ME3: variants seen among roughly 807,000 people sequenced by gnomAD.
The protein encoded by ME3 is NADP-dependent malic enzyme, mitochondrial.
Under a neutral mutation model 68.9 loss-of-function variants are expected in ME3, and 48 were observed. The observed-to-expected ratio is 0.70, with a 90% CI of 0.55 to 0.89. The LOEUF (loss-of-function observed/expected upper bound fraction) is 0.89, where lower values mean the gene tolerates loss of function less well. ME3 is among the 40% of genes least tolerant of loss of function. The probability of loss-of-function intolerance (pLI) is 0.00; values close to 1 mark genes in which losing one functional copy is unlikely to be tolerated. For missense variants in ME3, 675 were observed against 797.4 expected (o/e 0.85, Z 1.85); for synonymous variants, 320 against 318.8 (o/e 1.00, Z -0.04).
chr11:86,582,111 G>A (rs1958471282), intron 2 of ME3, among the ~76,000 whole-genome samples: 1 of 152,222 alleles, frequency 6.6e-6, no homozygotes, highest in African/African-American at 2.4e-5. Context: ...CTCTTCATAA[G>A]CTGTGCATCA....
At chr11:86,515,711 C>T (rs373916169) in intron 4 of ME3, among the ~76,000 whole-genome samples, 20 of 152,258 alleles carry the variant, frequency 1.3e-4, no homozygotes, top group African/African-American at 4.6e-4. Context: ...CAGCTCTTTA[C>T]GGATGATTGG....
At chr11:86,567,280 G>GGAAGGAAGGA (rs1565150241) in intron 2 of ME3, among the ~76,000 whole-genome samples, 1 of 103,044 alleles carries the variant, frequency 9.7e-6, no homozygotes, top group Admixed American at 9.3e-5. Flanking sequence ...GGAAGGAAGG[G>GGAAGGAAGGA]AGGAAAAGAG....
At chr11:86,558,475 G>A (rs1957040395) in intron 3 of ME3, among the ~76,000 whole-genome samples, 1 of 152,130 alleles carries the variant, frequency 6.6e-6, no homozygotes, top group Non-Finnish European at 1.5e-5. Flanking sequence ...GGAGGTATGA[G>A]CAGAGGCTTC....
At chr11:86,611,091 G>A (rs1390834599) in intron 2 of ME3, among the ~76,000 whole-genome samples, 1 of 152,118 alleles carries the variant, frequency 6.6e-6, no homozygotes, top group African/African-American at 2.4e-5. Flanking sequence ...CTTGCCATTT[G>A]CCAAAACATG....
intron 2 of ME3, among the ~76,000 whole-genome samples, chr11:86,666,277 A>G (rs972349890): frequency 1.3e-5 from 2 of 152,154 alleles, no homozygotes; most frequent in Admixed American, 6.5e-5. Context: ...CCCCTTCCCA[A>G]TTGGCTTCTG....
At chr11:86,488,109 G>T (rs1482277688) in intron 6 of ME3, among the ~76,000 whole-genome samples, 6 of 152,180 alleles carry the variant, frequency 3.9e-5, no homozygotes, top group Admixed American at 1.3e-4. Context: ...GACCTTGGGA[G>T]GCCAAGGCTG....
intron 4 of ME3, among the ~76,000 whole-genome samples, chr11:86,513,807 C>T (rs1565883682): frequency 6.6e-6 from 1 of 152,138 alleles, no homozygotes; most frequent in Non-Finnish European, 1.5e-5. Context: ...ATAGTACCCC[C>T]AGGGAAGAAT....
intron 2 of ME3, among the ~76,000 whole-genome samples, chr11:86,572,908 T>C (rs1957883978): frequency 1.3e-5 from 2 of 152,214 alleles, no homozygotes; most frequent in African/African-American, 4.8e-5. Context: ...AGTGTAAAAG[T>C]GTTCCTGTTT....
chr11:86,445,252 G>A (rs560069031), intron 13 of ME3, among the ~76,000 whole-genome samples: 2 of 152,342 alleles, frequency 1.3e-5, no homozygotes, highest in South Asian at 4.1e-4. Context: ...AAAGTCATAA[G>A]TAGTGTGCGT....
chr11:86,669,088 C>T (rs1177449881), intron 2 of ME3, among the ~76,000 whole-genome samples: 1 of 152,244 alleles, frequency 6.6e-6, no homozygotes, highest in Non-Finnish European at 1.5e-5. Flanking sequence ...TCCATGGAGA[C>T]TCTCTGAGCA....
intron 2 of ME3, among the ~76,000 whole-genome samples, chr11:86,605,098 C>T (rs1339723197): frequency 2.6e-5 from 4 of 152,240 alleles, no homozygotes; most frequent in African/African-American, 7.2e-5. Flanking sequence ...GGAATCATAA[C>T]GTATGTGAAT....
Position 86,489,182 on chromosome 11 carries a change from G to A in ME3, c.706-1742C>T, listed in dbSNP as rs1001831896. On this transcript the variant is annotated intron_variant, in intron 6 of 14. Coordinates refer to ENST00000543262, the Ensembl canonical transcript of ME3. ...CTTCATCTCCATCTGAACTGCTGCT[G>A]CAGGACACAAAGATAAGGACCAGTG... The A allele has an allele frequency of 3.3e-5, 5 of 152,138 alleles. No individual in the cohort carries two copies. In the East Asian group the frequency reaches 9.6e-4, roughly 29 times the overall value. The allele number at this position is 152,138 out of a possible 1,614,324, so 9.4% of individuals were successfully genotyped here. A position where few individuals can be genotyped will look rare whatever the true frequency, so the allele number is the denominator to read the frequency against.
At chr11:86,638,268 G>A (rs1240429294) in intron 2 of ME3, among the ~76,000 whole-genome samples, 1 of 152,188 alleles carries the variant, frequency 6.6e-6, no homozygotes. Context: ...TAAGTACAGG[G>A]AGTGCAGCAT....
chr11:86,588,927 C>T (rs1958894300), intron 2 of ME3, among the ~76,000 whole-genome samples: 1 of 152,166 alleles, frequency 6.6e-6, no homozygotes, highest in Non-Finnish European at 1.5e-5. Context: ...GCTGTGTGTC[C>T]CCAATGCTTG....
intron 2 of ME3, among the ~76,000 whole-genome samples, chr11:86,634,543 A>G (rs1238820142): frequency 6.6e-6 from 1 of 152,188 alleles, no homozygotes; most frequent in African/African-American, 2.4e-5. Context: ...ATAAATTATC[A>G]TGCTGCCAAA....
At chr11:86,552,042 G>A (rs1956715271) in intron 4 of ME3, among the ~76,000 whole-genome samples, 1 of 152,212 alleles carries the variant, frequency 6.6e-6, no homozygotes, top group African/African-American at 2.4e-5. Flanking sequence ...CAGGTTTACA[G>A]TGTGTATTCT....
rs899825920 is a variant in ME3 at position 86,646,709 on chromosome 11, A to G, written c.183+25053T>C. Among the ~76,000 whole-genome samples, 8 of 152,324 alleles carry G rather than the reference A, an allele frequency of 5.3e-5. No homozygotes were observed. The South Asian group carries it at 6.2e-4, about 12-fold the overall frequency. Reference sequence around the variant, plus strand: ...TTCAGGAAATGCAGAGAACAAAACTAAGATAATCCATGAGAAGAGTAACCC... The same window carrying G: ...TTCAGGAAATGCAGAGAACAAAACTGAGATAATCCATGAGAAGAGTAACCC... On this transcript the variant is annotated intron_variant, in intron 2 of 14. Coordinates refer to ENST00000543262, the Ensembl canonical transcript of ME3.
chr11:86,612,736 C>T (rs1004980758), intron 2 of ME3, among the ~76,000 whole-genome samples: 2 of 152,120 alleles, frequency 1.3e-5, no homozygotes, highest in Admixed American at 6.5e-5. Context: ...TGTTCATATC[C>T]TTTGCCCACT....
At chr11:86,464,806 T>C (rs571934825) in intron 8 of ME3, among the ~76,000 whole-genome samples, 1 of 152,382 alleles carries the variant, frequency 6.6e-6, no homozygotes, top group South Asian at 2.1e-4. Flanking sequence ...AACTTGCTAG[T>C]GAATTACAGC....
Sources: allele counts gnomAD v4.1 joint callset (sites outside exome capture counted in the v4.1 genomes callset), GRCh38; gene constraint gnomAD v4.1.1; transcripts MANE v1.5; gene names NCBI Gene and HGNC (gene_info 2026-07-23, HGNC 2026-07-21).